VAC14: variants seen among roughly 807,000 people sequenced by gnomAD.
VAC14 encodes the protein protein VAC14 homolog.
Under a neutral mutation model 85.3 loss-of-function variants are expected in VAC14, and 47 were observed. That is an observed-to-expected ratio of 0.55 (90% CI 0.44 to 0.70). The LOEUF is 0.70. VAC14 is among the 30% of genes least tolerant of loss of function. The pLI is 0.00. For synonymous variants in VAC14, 447 were observed against 430.5 expected (o/e 1.04, Z -0.47); for missense variants, 861 against 1,004.3 (o/e 0.86, Z 1.93).
intron 18 of VAC14, chr16:70,692,148 G>A: frequency 1.0e-6 from 1 of 954,714 alleles, no homozygotes; most frequent in Non-Finnish European, 1.2e-6. Context: ...CAGGCTCTGG[G>A]GTAGGGGCCA....
At chr16:70,732,642 ATTT>A (rs113854246) in intron 13 of VAC14, among the ~76,000 whole-genome samples, 67 of 144,242 alleles carry the variant, frequency 4.6e-4, no homozygotes, top group African/African-American at 1.5e-3. Flanking sequence ...TGAGGCAGGA[ATTT>A]TTTTTTTTTT....
intron 16 of VAC14, 56 bp downstream of exon 16, chr16:70,697,083 C>G (rs762240918): frequency 9.7e-6 from 14 of 1,450,438 alleles, no homozygotes; most frequent in Middle Eastern, 1.7e-4. Context: ...AGGGGGCAGC[C>G]GGCCCCTTCC....
chr16:70,689,784 G>A, intron 18 of VAC14: 1 of 985,550 alleles, frequency 1.0e-6, no homozygotes, highest in African/African-American at 1.7e-5. Flanking sequence ...CAGTGTTCTA[G>A]GCTGTGGTTG....
At chr16:70,721,104 C>T (rs966095481) in intron 14 of VAC14, among the ~76,000 whole-genome samples, 6 of 152,218 alleles carry the variant, frequency 3.9e-5, no homozygotes, top group African/African-American at 1.4e-4. Flanking sequence ...AAGGGAGATT[C>T]AGACCTGGAG....
At chr16:70,733,522 T>C (rs2054656275) in intron 13 of VAC14, among the ~76,000 whole-genome samples, 3 of 151,456 alleles carry the variant, frequency 2.0e-5, no homozygotes. Context: ...TGGTGGGAGG[T>C]TACTGGATGA....
intron 12 of VAC14, chr16:70,745,067 G>C: frequency 6.4e-6 from 1 of 156,724 alleles, no homozygotes; most frequent in Non-Finnish European, 1.4e-5. Flanking sequence ...GGTGACACCA[G>C]GCCACTGCAG....
rs757866688 is a variant in VAC14 at position 70,698,704 on chromosome 16, T to C, written c.1769A>G (p.Asn590Ser). The C allele has an allele frequency of 3.1e-6, 5 of 1,614,054 alleles. No homozygotes were observed. In the African/African-American group the frequency reaches 4.0e-5, roughly 13 times the overall value. Residue 590 changes from asparagine (N) to serine (S), a missense_variant, in exon 15 of 19, where the codon AAC becomes AGC. Physicochemically the swap from Asn to Ser is conservative, Grantham distance 46 (BLOSUM62 1). This residue lies in a region of VAC14 where 69 missense variants were observed against 139.0 expected (regional missense o/e 0.50). Coordinates refer to ENST00000261776, the MANE Select transcript of VAC14 (RefSeq NM_018052.5). Reference protein sequence around the residue: ...KFASTMVHALNTILLTSTELF... With the variant: ...KFASTMVHALSTILLTSTELF... ...CTCTGTGGAGGTCAGCAGGATGGTGTTGAGGGCGTGGACCATGGTCGAGGC... is the reference window on the plus strand; with the variant it reads ...CTCTGTGGAGGTCAGCAGGATGGTGCTGAGGGCGTGGACCATGGTCGAGGC...
chr16:70,708,623 C>T (rs2053967992), intron 14 of VAC14, among the ~76,000 whole-genome samples: 1 of 152,194 alleles, frequency 6.6e-6, no homozygotes, highest in Non-Finnish European at 1.5e-5. Context: ...ATAGACACAC[C>T]CCAGAATACG....
chr16:70,774,953 T>C (rs1196710682), intron 9 of VAC14, among the ~76,000 whole-genome samples: 1 of 152,038 alleles, frequency 6.6e-6, no homozygotes, highest in African/African-American at 2.4e-5. Context: ...GGTTTCACCA[T>C]GTTGGCCAGG....
intron 18 of VAC14, chr16:70,689,258 C>T (rs773420019): frequency 1.7e-5 from 17 of 985,380 alleles, no homozygotes; most frequent in Non-Finnish European, 1.9e-5. Flanking sequence ...AGAGCTTCAC[C>T]TGGTATCCAG....
intron 14 of VAC14, chr16:70,715,834 C>G (rs570779651): frequency 6.6e-6 from 1 of 152,182 alleles, no homozygotes; most frequent in African/African-American, 2.4e-5. Flanking sequence ...GGGGACAGAC[C>G]AGACAGATAC....
At position 70,781,007 on chromosome 16, in the gene VAC14, T is replaced by C. The variant is rs965850331; in HGVS notation, c.947-68A>G. The C allele has an allele frequency of 2.2e-5, 35 of 1,593,740 alleles. No individual in the cohort carries two copies. The African/African-American group carries it at 4.7e-4, about 21-fold the overall frequency. ...TGTCTCTCTAAATCTCTTGCTGAAA[T>C]GTGATTCCCAGTGTTGGAGGTGGGG... On this transcript the variant is annotated intron_variant, in intron 8 of 18. Coordinates refer to ENST00000261776, the MANE Select transcript of VAC14 (RefSeq NM_018052.5).
At chr16:70,769,206 A>C (rs2033039745) in intron 10 of VAC14, 1 of 161,782 alleles carries the variant, frequency 6.2e-6, no homozygotes, top group South Asian at 1.6e-4. Context: ...GACTGCCACC[A>C]CCATGGCAGT....
chr16:70,789,024 C>T (rs114434745), intron 1 of VAC14, among the ~76,000 whole-genome samples: 6,209 of 152,326 alleles, frequency 0.041, 408 homozygotes, highest in African/African-American at 0.14. Context: ...CAGCCTTGGC[C>T]AGTCTTCCGC....
intron 12 of VAC14, among the ~76,000 whole-genome samples, chr16:70,745,638 G>A (rs1319580139): frequency 2.0e-5 from 3 of 152,200 alleles, no homozygotes; most frequent in African/African-American, 4.8e-5. Context: ...GCAGGTGGTC[G>A]CCTGCTCTTT....
At chr16:70,703,844 C>T (rs1184813496) in intron 14 of VAC14, among the ~76,000 whole-genome samples, 1 of 152,248 alleles carries the variant, frequency 6.6e-6, no homozygotes, top group Non-Finnish European at 1.5e-5. Flanking sequence ...GACTACACAG[C>T]CTTGCCCATG....
chr16:70,775,350 C>T (rs1359896375), intron 9 of VAC14, among the ~76,000 whole-genome samples: 2 of 152,236 alleles, frequency 1.3e-5, no homozygotes, highest in Non-Finnish European at 2.9e-5. Context: ...GTAGGCAAGT[C>T]TCTTGTGCTG....
At chr16:70,690,348 C>T (rs2053574815) in intron 18 of VAC14, 1 of 985,634 alleles carries the variant, frequency 1.0e-6, no homozygotes, top group South Asian at 4.7e-5. Context: ...TGCTCTCAGG[C>T]CCTGCACATC....
At chr16:70,688,289 G>A (rs971172957) in intron 18 of VAC14, 199 bp from the exon 19 acceptor site, 1 of 1,227,926 alleles carries the variant, frequency 8.1e-7, no homozygotes, top group Non-Finnish European at 1.0e-6. Flanking sequence ...TCCGCAGTTG[G>A]TGGGAACAGC....
Sources: allele counts gnomAD v4.1 joint callset (sites outside exome capture counted in the v4.1 genomes callset), GRCh38; gene constraint gnomAD v4.1.1; regional missense constraint gnomAD v4.1.1; transcripts MANE v1.5; gene names NCBI Gene and HGNC (gene_info 2026-07-23, HGNC 2026-07-21).